The following SHLD2 variants were observed in gnomAD, a reference collection of about 807,000 sequenced individuals.
SHLD2 encodes shieldin complex subunit 2.
Under a neutral mutation model 73.2 loss-of-function variants are expected in SHLD2, and 30 were observed. The ratio of observed to expected loss-of-function variants is 0.41; its 90% CI spans 0.31 to 0.56. The LOEUF is 0.56. Among genes scored for constraint, SHLD2 ranks in the 20% least tolerant of loss-of-function variants. SHLD2 has a pLI of 0.28. For missense variants in SHLD2, 745 were observed against 1,055.9 expected (o/e 0.71, Z 4.08); for synonymous variants, 285 against 370.1 (o/e 0.77, Z 2.64).
intron 2 of SHLD2, among the ~76,000 whole-genome samples, chr10:87,125,819 C>G (rs1013695442): frequency 1.3e-5 from 2 of 148,562 alleles, no homozygotes; most frequent in Non-Finnish European, 3.0e-5. Flanking sequence ...CCCAACTACT[C>G]GGGAGGCTGA....
chr10:87,181,554 AG>A (rs1848316877), intron 8 of SHLD2, among the ~76,000 whole-genome samples: 1 of 152,134 alleles, frequency 6.6e-6, no homozygotes, highest in South Asian at 2.1e-4. Context: ...CCTTATGGGG[AG>A]GAGGGCCTTT....
intron 8 of SHLD2, among the ~76,000 whole-genome samples, chr10:87,180,905 C>T (rs1352178153): frequency 7.2e-5 from 11 of 152,198 alleles, no homozygotes; most frequent in South Asian, 2.1e-4. Context: ...CTAAATATTG[C>T]GGTATCTAAA....
intron 4 of SHLD2, among the ~76,000 whole-genome samples, chr10:87,161,286 GA>G (rs902254698): frequency 6.6e-5 from 10 of 151,654 alleles, no homozygotes; most frequent in African/African-American, 1.2e-4. Flanking sequence ...AAAAGAAAAA[GA>G]AAAAAAAGCT....
chr10:87,151,490 C>G lies in SHLD2; in HGVS notation c.136C>G (p.His46Asp). The G allele has an allele frequency of 6.2e-7, 1 of 1,610,884 alleles. No homozygotes were observed. The highest frequency in any genetic ancestry group is 8.5e-7 in the Non-Finnish European group (1 of 1,179,420). The stretch of plus-strand genomic sequence containing the variant: ...AAAAATTCAGCTTTTATACAGTCAA[C>G]ATTCTTTATATCTGAAGGATGAAAA... ...WKKIQLLYSQ[H>D]SLYLKDEKQH... Residue 46 changes from histidine to aspartate, a missense_variant, in exon 3 of 10, where the codon CAT becomes GAT. His to Asp is a moderately conservative substitution (Grantham distance 81, BLOSUM62 -1). Coordinates refer to ENST00000298786, the MANE Select transcript of SHLD2 (RefSeq NM_001330112.2).
intron 2 of SHLD2, among the ~76,000 whole-genome samples, chr10:87,146,611 T>TC (rs1564596190): frequency 6.6e-6 from 1 of 150,490 alleles, no homozygotes; most frequent in African/African-American, 2.4e-5. Flanking sequence ...TTTTTTTTTT[T>TC]AAGCTCATTA....
Position 87,190,531 on chromosome 10 carries a change from C to T in SHLD2, c.2563C>T (p.His855Tyr), listed in dbSNP as rs1432635239. 1.2e-6 allele frequency: 2 copies of T among 1,611,922 alleles called. No homozygotes were observed. The highest frequency in any genetic ancestry group is 2.2e-5 in the South Asian group (2 of 90,988). Residue 855 changes from histidine to tyrosine, a missense_variant, in exon 10 of 10, where the codon CAC (histidine) becomes TAC (tyrosine). Around this residue, in one of 5 missense-constraint regions of SHLD2, gnomAD observed 418 missense variants for 567.8 expected, o/e 0.74. Transcript: ENST00000298786. ...TYGMVVADLF[H>Y]SLLAVSAEPC... ...TGGGATGGTCGTGGCAGACCTGTTC[C>T]ACTCCTTGTTGGCAGTCAGCGCAGA...
chr10:87,190,194 G>C lies in SHLD2; in HGVS notation c.2516-290G>C, dbSNP rs575174695. 4.6e-5 allele frequency among the ~76,000 whole-genome samples: 7 copies of C among 152,292 alleles called. 1 individual carries two copies. The South Asian group carries it at 1.5e-3, about 32-fold the overall frequency. On this transcript the variant is annotated intron_variant, in intron 9 of 9. Coordinates refer to ENST00000298786, the MANE Select transcript of SHLD2 (RefSeq NM_001330112.2). The stretch of plus-strand genomic sequence containing the variant: ...CTGCCTCAGCTTCCCGAGTAGCTGG[G>C]ATTACAGGCATGTGCCACCACTCCC...
At chr10:87,173,979 A>C (rs971465745) in intron 6 of SHLD2, among the ~76,000 whole-genome samples, 1 of 152,214 alleles carries the variant, frequency 6.6e-6, no homozygotes, top group African/African-American at 2.4e-5. Flanking sequence ...GAAAACAGCT[A>C]CTGTCATCAG....
chr10:87,094,505 G>A, upstream of SHLD2: 1 of 1,613,392 alleles, frequency 6.2e-7, no homozygotes, highest in Non-Finnish European at 8.5e-7. The surrounding 1 kb of genome is among the most constrained non-coding windows in gnomAD (Gnocchi z 6.6). Flanking sequence ...CGGGTCCTCA[G>A]GTCCTCCACC....
At chr10:87,104,199 T>G (rs966350274) in intron 2 of SHLD2, among the ~76,000 whole-genome samples, 2 of 145,900 alleles carry the variant, frequency 1.4e-5, no homozygotes, top group Non-Finnish European at 3.0e-5. Context: ...ATTGTGCCAC[T>G]GCACTCCAGC....
intron 2 of SHLD2, among the ~76,000 whole-genome samples, chr10:87,120,258 A>ATTTTTTTTT (rs1026313828): frequency 2.4e-4 from 36 of 148,796 alleles, no homozygotes; most frequent in African/African-American, 8.6e-4. Context: ...TTATTTATTT[A>ATTTTTTTTT]TTTTTTTGAG....
chr10:87,141,098 A>G (rs1305684898), intron 2 of SHLD2, among the ~76,000 whole-genome samples: 4 of 151,662 alleles, frequency 2.6e-5, no homozygotes, highest in Non-Finnish European at 4.4e-5. Context: ...TGGGCAACAT[A>G]GTGAGACCCT....
chr10:87,161,305 G>A (rs1291444976), intron 4 of SHLD2, among the ~76,000 whole-genome samples: 1 of 152,138 alleles, frequency 6.6e-6, no homozygotes, highest in Non-Finnish European at 1.5e-5. Context: ...GCTGGGTGTG[G>A]TGGCACCCAC....
intron 7 of SHLD2, among the ~76,000 whole-genome samples, chr10:87,176,593 A>C (rs1847966740): frequency 6.6e-6 from 1 of 152,288 alleles, no homozygotes; most frequent in Non-Finnish European, 1.5e-5. Context: ...ACCAGGGACA[A>C]AGAGCAAATA....
rs539679624 is a variant in SHLD2 at position 87,184,252 on chromosome 10, A to G, written c.2400-2833A>G. ...GTCCTAGGAATTTTCATTCAGAACT[A>G]TATCACAAATTCATCCACTTTTTTC... On this transcript the variant is annotated intron_variant, in intron 8 of 9. Coordinates refer to ENST00000298786, the MANE Select transcript of SHLD2 (RefSeq NM_001330112.2). 2.0e-5 allele frequency among the ~76,000 whole-genome samples: 3 copies of G among 152,202 alleles called. No homozygotes were observed. The South Asian group carries it at 6.2e-4, about 32-fold the overall frequency.
rs114615168 is a variant in SHLD2, at chr10:87,131,726, A to T, written c.-5-19624A>T. On this transcript the variant is annotated intron_variant, in intron 2 of 9. Transcript: ENST00000298786. Reference sequence around the variant, plus strand: ...TTTGTTTTTATTCTTTTGGGTATATACCTCGGTGTGGAATTGCGGGATCAT... The same window carrying T: ...TTTGTTTTTATTCTTTTGGGTATATTCCTCGGTGTGGAATTGCGGGATCAT... Among the ~76,000 whole-genome samples, 386 of 152,212 alleles carry T rather than the reference A, an allele frequency of 2.5e-3. 2 individuals carry two copies. Among genetic ancestry groups the T allele is most frequent in the Middle Eastern group, 0.01 (3 of 294 alleles).
At chr10:87,190,098 G>A (rs972342418) in intron 9 of SHLD2, among the ~76,000 whole-genome samples, 7 of 152,156 alleles carry the variant, frequency 4.6e-5, no homozygotes, top group African/African-American at 1.7e-4. Flanking sequence ...TTGCTCTGTT[G>A]CCCAGGCTGG....
chr10:87,112,844 G>T lies in SHLD2; in HGVS notation c.-6+15855G>T, dbSNP rs576172594. On this transcript the variant is annotated intron_variant, in intron 2 of 9. Coordinates refer to ENST00000298786, the MANE Select transcript of SHLD2 (RefSeq NM_001330112.2). ...TACAGATACTATGGGAAACAGTCTGGCAGTTCCTCAAAAAGTTAAACATAC... is the reference window on the plus strand; with the variant it reads ...TACAGATACTATGGGAAACAGTCTGTCAGTTCCTCAAAAAGTTAAACATAC... Among the ~76,000 whole-genome samples, 4 of 152,142 alleles carry T rather than the reference G, an allele frequency of 2.6e-5. No homozygotes were observed. In the East Asian group the frequency reaches 7.7e-4, roughly 29 times the overall value.
At position 87,137,004 on chromosome 10, in the gene SHLD2, C is replaced by T. The variant is rs187124267; in HGVS notation, c.-5-14346C>T. Among the ~76,000 whole-genome samples the T allele has an allele frequency of 2.1e-3, 321 of 152,136 alleles. 1 individual carries two copies. Among genetic ancestry groups the T allele is most frequent in the African/African-American group, 7.2e-3 (298 of 41,504 alleles). ...TCTAGTGTCCTAACAGAAAAATTGT[C>T]GTGTCTTTTTCTGGAAGTAAAATAT... On this transcript the variant is annotated intron_variant, in intron 2 of 9. Coordinates refer to ENST00000298786, the MANE Select transcript of SHLD2 (RefSeq NM_001330112.2).
Sources: allele counts gnomAD v4.1 joint callset (sites outside exome capture counted in the v4.1 genomes callset), GRCh38; gene constraint gnomAD v4.1.1; regional missense constraint gnomAD v4.1.1; non-coding constraint Gnocchi (gnomAD v3.1); transcripts MANE v1.5; gene names NCBI Gene and HGNC (gene_info 2026-07-23, HGNC 2026-07-21).